The following BTBD9 variants were observed in gnomAD, a reference collection of about 807,000 sequenced individuals.
BTBD9 encodes the protein BTB/POZ domain-containing protein 9.
Under a neutral mutation model 64.3 loss-of-function variants are expected in BTBD9, and 49 were observed. That is an observed-to-expected ratio of 0.76 (90% CI 0.61 to 0.97). The LOEUF (loss-of-function observed/expected upper bound fraction) is 0.97. Ranked by LOEUF, BTBD9 falls within the 50% of genes least tolerant of loss-of-function variation. BTBD9 has a pLI of 0.00. For missense variants in BTBD9, 598 were observed against 762.1 expected (o/e 0.78, Z 2.53); for synonymous variants, 260 against 274.7 (o/e 0.95, Z 0.53).
At chr6:38,475,126 C>T (rs1045003968) in intron 6 of BTBD9, among the ~76,000 whole-genome samples, 2 of 152,028 alleles carry the variant, frequency 1.3e-5, no homozygotes, top group Non-Finnish European at 2.9e-5. Flanking sequence ...ATAAAACATA[C>T]ATAATATGAT....
chr6:38,569,575 T>C (rs1202120134), intron 6 of BTBD9, among the ~76,000 whole-genome samples: 1 of 152,144 alleles, frequency 6.6e-6, no homozygotes, highest in Admixed American at 6.6e-5. Context: ...TGCAATAAGC[T>C]TATTAGGACA....
At chr6:38,283,065 G>A (rs1404527763) in intron 8 of BTBD9, among the ~76,000 whole-genome samples, 1 of 152,306 alleles carries the variant, frequency 6.6e-6, no homozygotes, top group South Asian at 2.1e-4. Flanking sequence ...ACGAAAATGC[G>A]GGTATAGAGA....
intron 8 of BTBD9, among the ~76,000 whole-genome samples, chr6:38,277,616 G>A (rs1231761989): frequency 1.3e-5 from 2 of 152,128 alleles, no homozygotes; most frequent in Non-Finnish European, 2.9e-5. Flanking sequence ...TTACAGGCGT[G>A]AGCCACCATG....
intron 6 of BTBD9, among the ~76,000 whole-genome samples, chr6:38,449,086 G>T (rs957643902): frequency 6.6e-6 from 1 of 152,118 alleles, no homozygotes; most frequent in South Asian, 2.1e-4. Flanking sequence ...AAACAAGAGA[G>T]GACCTGCATC....
intron 6 of BTBD9, among the ~76,000 whole-genome samples, chr6:38,522,832 T>C (rs1004296102): frequency 6.6e-6 from 1 of 152,044 alleles, no homozygotes; most frequent in Non-Finnish European, 1.5e-5. Flanking sequence ...TTTCCCTCTG[T>C]AGTGAAAGAT....
chr6:38,305,538 A>G (rs1403987378), intron 7 of BTBD9, among the ~76,000 whole-genome samples: 1 of 152,180 alleles, frequency 6.6e-6, no homozygotes, highest in South Asian at 2.1e-4. Context: ...GCTGGAGTGC[A>G]GTGGCACGGT....
At chr6:38,356,103 A>T (rs72851423) in intron 6 of BTBD9, among the ~76,000 whole-genome samples, 6,008 of 151,648 alleles carry the variant, frequency 0.04, 164 homozygotes, top group Middle Eastern at 0.092. Flanking sequence ...CTTTTTTTTT[A>T]AAAAACCATG....
At chr6:38,293,760 G>A (rs1762052638) in intron 7 of BTBD9, among the ~76,000 whole-genome samples, 1 of 152,140 alleles carries the variant, frequency 6.6e-6, no homozygotes, top group Non-Finnish European at 1.5e-5. Flanking sequence ...ATAGGCATGG[G>A]CAAAGACTTC....
intron 6 of BTBD9, among the ~76,000 whole-genome samples, chr6:38,494,098 T>G (rs1771827513): frequency 6.6e-6 from 1 of 152,188 alleles, no homozygotes; most frequent in Admixed American, 6.5e-5. Context: ...ATTCGATGAC[T>G]TCTGACTTGA....
intron 6 of BTBD9, among the ~76,000 whole-genome samples, chr6:38,409,103 A>G (rs757931224): frequency 2.0e-5 from 3 of 152,144 alleles, no homozygotes; most frequent in African/African-American, 4.8e-5. Flanking sequence ...TACAAAAACT[A>G]GCCAGGCATG....
rs559448983 is a variant in BTBD9, at chr6:38,263,204, T to C, written c.1455-6688A>G. On this transcript the variant is annotated intron_variant, in intron 8 of 10. Transcript: ENST00000481247. ...CCTTTAAGTTCTTCAGAAATAATTG[T>C]CTTCCATTCAACAATTCAAAAAATA... Among the ~76,000 whole-genome samples the C allele has an allele frequency of 2.0e-5, 3 of 152,366 alleles. No homozygotes were observed. The South Asian group carries it at 6.2e-4, about 32-fold the overall frequency.
chr6:38,622,067 T>C (rs1311276751), intron 1 of BTBD9, among the ~76,000 whole-genome samples: 1 of 152,170 alleles, frequency 6.6e-6, no homozygotes, highest in Non-Finnish European at 1.5e-5. Context: ...TCCACCAAAC[T>C]TTTCATATGG....
At chr6:38,606,884 A>G (rs2127507613) in intron 1 of BTBD9, among the ~76,000 whole-genome samples, 1 of 152,324 alleles carries the variant, frequency 6.6e-6, no homozygotes, top group South Asian at 2.1e-4. Context: ...CCCAATAAGT[A>G]GCAGATTCAG....
chr6:38,302,485 G>GTGTGTATATATATATATATATATATA (rs1554137022), intron 7 of BTBD9, among the ~76,000 whole-genome samples: 1 of 106,908 alleles, frequency 9.4e-6, no homozygotes, highest in African/African-American at 3.5e-5. Flanking sequence ...TTGTGTGTAT[G>GTGTGTATATATATATATATATATATA]TATATATATA....
At chr6:38,617,545 G>A (rs1289354116) in intron 1 of BTBD9, among the ~76,000 whole-genome samples, 2 of 152,054 alleles carry the variant, frequency 1.3e-5, no homozygotes, top group African/African-American at 4.8e-5. Flanking sequence ...CATAATTTTT[G>A]CCCAAAGCCC....
At chr6:38,446,494 C>G (rs1002440756) in intron 6 of BTBD9, among the ~76,000 whole-genome samples, 1 of 152,068 alleles carries the variant, frequency 6.6e-6, no homozygotes, top group African/African-American at 2.4e-5. Context: ...GTTTCTGTCA[C>G]GTGTTTTCAC....
At chr6:38,326,307 T>C (rs1044827894) in intron 7 of BTBD9, among the ~76,000 whole-genome samples, 1 of 152,078 alleles carries the variant, frequency 6.6e-6, no homozygotes, top group Non-Finnish European at 1.5e-5. Context: ...TAGATGAGAA[T>C]TGGTATAAAA....
chr6:38,494,812 C>T (rs1771874150), intron 6 of BTBD9, among the ~76,000 whole-genome samples: 1 of 152,176 alleles, frequency 6.6e-6, no homozygotes, highest in Non-Finnish European at 1.5e-5. Flanking sequence ...ATCTAAAATA[C>T]TCCTATTCTT....
At chr6:38,188,683 A>G (rs1456953718) in intron 10 of BTBD9, among the ~76,000 whole-genome samples, 1 of 152,166 alleles carries the variant, frequency 6.6e-6, no homozygotes, top group Non-Finnish European at 1.5e-5. Flanking sequence ...TGTCCCTCCC[A>G]AATTCCTCTT....
Sources: allele counts gnomAD v4.1 joint callset (sites outside exome capture counted in the v4.1 genomes callset), GRCh38; gene constraint gnomAD v4.1.1; transcripts MANE v1.5; gene names NCBI Gene and HGNC (gene_info 2026-07-23, HGNC 2026-07-21).